Variants in TRMT11 observed in about 807,000 individuals in gnomAD.
The protein encoded by TRMT11 is tRNA (guanine(10)-N(2))-methyltransferase TRMT11.
Under a neutral mutation model 62.8 loss-of-function variants are expected in TRMT11, and 53 were observed. The observed-to-expected ratio is 0.84, with a 90% CI of 0.68 to 1.06. TRMT11 has a LOEUF of 1.06. TRMT11 is among the 50% of genes least tolerant of loss of function. TRMT11 has a pLI of 0.00. For synonymous variants in TRMT11, 188 were observed against 190.3 expected (o/e 0.99, Z 0.10); for missense variants, 556 against 553.4 (o/e 1.00, Z -0.05).
intron 17 of TRMT11, among the ~76,000 whole-genome samples, chr6:126,082,341 A>T (rs1004613234): frequency 6.6e-6 from 1 of 151,998 alleles, no homozygotes; most frequent in Non-Finnish European, 1.5e-5. Context: ...TTATCAATAT[A>T]TTGTGTATTT....
the TRMT11 span, among the ~76,000 whole-genome samples, chr6:126,244,802 T>G: frequency 6.6e-6 from 1 of 152,206 alleles, no homozygotes; most frequent in Non-Finnish European, 1.5e-5. Flanking sequence ...TTTGATATCC[T>G]TGACTAGTGG....
intron 17 of TRMT11, among the ~76,000 whole-genome samples, chr6:126,088,554 C>A (rs1432932762): frequency 6.6e-6 from 1 of 152,168 alleles, no homozygotes; most frequent in African/African-American, 2.4e-5. Context: ...AACACCAGGG[C>A]AAATCTATTC....
chr6:126,071,289 G>A (rs903335844), intron 17 of TRMT11, among the ~76,000 whole-genome samples: 35 of 152,114 alleles, frequency 2.3e-4, no homozygotes, highest in Non-Finnish European at 4.3e-4. Flanking sequence ...TCATGAAAAA[G>A]TCGACATCGT....
intron 21 of TRMT11, among the ~76,000 whole-genome samples, chr6:126,167,596 AT>A (rs1778283342): frequency 6.6e-6 from 1 of 152,130 alleles, no homozygotes; most frequent in Non-Finnish European, 1.5e-5. Flanking sequence ...TAAAACATTA[AT>A]TTGCTATTGT....
Position 126,013,016 on chromosome 6 carries a change from A to G in TRMT11, c.1054A>G (p.Met352Val). The G allele has an allele frequency of 1.2e-6, 2 of 1,613,792 alleles. No homozygotes were observed. Among genetic ancestry groups the G allele is most frequent in the Non-Finnish European group, 1.7e-6 (2 of 1,179,872 alleles). Residue 352 changes from methionine to valine, a missense_variant, in exon 11 of 13, where the codon ATG becomes GTG. Physicochemically the swap from Met to Val is conservative, Grantham distance 21. Transcript: ENST00000334379. ...TTCCTTGAGTTATCATCTGAGTGAT[A>G]TGTTTCTTGACCTGTTAAACTTCGC... ...PVSLSYHLSD[M>V]FLDLLNFAAE... is the part of the protein sequence containing the mutation.
intron 12 of TRMT11, among the ~76,000 whole-genome samples, chr6:126,029,820 A>G (rs2128036699): frequency 6.6e-6 from 1 of 152,310 alleles, no homozygotes; most frequent in East Asian, 1.9e-4. Context: ...TACAGATTCT[A>G]GTAGATAGCA....
intron 17 of TRMT11, among the ~76,000 whole-genome samples, chr6:126,090,283 T>G (rs1258827035): frequency 6.6e-6 from 1 of 152,186 alleles, no homozygotes; most frequent in African/African-American, 2.4e-5. Flanking sequence ...GATCCTTGTA[T>G]CCCCAGTGCT....
chr6:126,032,789 A>G (rs1474834186), intron 12 of TRMT11, among the ~76,000 whole-genome samples: 2 of 152,198 alleles, frequency 1.3e-5, no homozygotes, highest in African/African-American at 4.8e-5. Context: ...AATGCAATAA[A>G]TATTTATGGA....
upstream of TRMT11, among the ~76,000 whole-genome samples, chr6:126,174,730 C>G (rs1027322362): frequency 1.3e-5 from 2 of 152,154 alleles, no homozygotes; most frequent in African/African-American, 4.8e-5. Context: ...TGGTCTACAT[C>G]CCCACCCTGA....
In TRMT11 at chr6:126,116,968, A is replaced by G. The variant is rs80086179; in HGVS notation, c.*1823+1113A>G. On this transcript the variant is annotated intron_variant and NMD_transcript_variant, in intron 21 of 22. Coordinates refer to the TRMT11 transcript ENST00000648977. ...AAAAGTTCTCAGTCACCATCTGAGA[A>G]TTTTTGCGTATACAACAATGTAAAG... 8.3e-3 allele frequency among the ~76,000 whole-genome samples: 1,257 copies of G among 152,156 alleles called. 15 individuals carry two copies. Among genetic ancestry groups the G allele is most frequent in the African/African-American group, 0.028 (1,183 of 41,526 alleles).
chr6:126,207,505 T>G (rs1027935963), downstream of TRMT11, among the ~76,000 whole-genome samples: 18 of 152,120 alleles, frequency 1.2e-4, no homozygotes, highest in African/African-American at 3.6e-4. Flanking sequence ...AATATTTGAG[T>G]TTCCCAGCTC....
chr6:126,099,090 C>T (rs1214047349), intron 17 of TRMT11, among the ~76,000 whole-genome samples: 1 of 152,196 alleles, frequency 6.6e-6, no homozygotes, highest in African/African-American at 2.4e-5. Context: ...TTGCTAGAAG[C>T]TTGGTGGCAT....
intron 17 of TRMT11, among the ~76,000 whole-genome samples, chr6:126,097,664 TA>T (rs1206798741): frequency 2.6e-5 from 4 of 152,026 alleles, no homozygotes; most frequent in Non-Finnish European, 5.9e-5. Context: ...CAATTGAAAT[TA>T]AAAAAAATCT....
intron 1 of TRMT11, among the ~76,000 whole-genome samples, chr6:126,187,729 G>A (rs1173539780): frequency 6.6e-6 from 1 of 151,862 alleles, no homozygotes; most frequent in Non-Finnish European, 1.5e-5. Context: ...TTATTTTACA[G>A]CTATAATAAT....
At chr6:126,048,392 G>A (rs1776119667) in intron 16 of TRMT11, among the ~76,000 whole-genome samples, 1 of 152,200 alleles carries the variant, frequency 6.6e-6, no homozygotes, top group Non-Finnish European at 1.5e-5. Context: ...TTAGGTTGTT[G>A]CTAAAGACCT....
the TRMT11 span, among the ~76,000 whole-genome samples, chr6:126,259,830 C>T: frequency 6.6e-6 from 1 of 152,008 alleles, no homozygotes; most frequent in East Asian, 1.9e-4. Flanking sequence ...ATAACCTTTG[C>T]CTCTTTTTAC....
At chr6:126,093,631 A>ATTTTTT (rs145963759) in intron 17 of TRMT11, among the ~76,000 whole-genome samples, 3 of 98,014 alleles carry the variant, frequency 3.1e-5, no homozygotes, top group African/African-American at 1.3e-4. Context: ...ATATATATAT[A>ATTTTTT]TTTTCCCCCA....
the TRMT11 span, among the ~76,000 whole-genome samples, chr6:126,219,360 CT>C: frequency 6.6e-6 from 1 of 152,128 alleles, no homozygotes; most frequent in African/African-American, 2.4e-5. Context: ...TGCTATTTAG[CT>C]CTTTAGTTAA....
chr6:126,188,985 A>T lies in TRMT11; in HGVS notation n.144-9814A>T, dbSNP rs114899403. Among the ~76,000 whole-genome samples, 822 of 152,192 alleles carry T rather than the reference A, an allele frequency of 5.4e-3. 6 individuals carry two copies. The highest frequency in any genetic ancestry group is 0.019 in the African/African-American group (791 of 41,558). On this transcript the variant is annotated intron_variant and non_coding_transcript_variant, in intron 1 of 3. Coordinates refer to the TRMT11 transcript ENST00000444229. Reference sequence around the variant, plus strand: ...AAAGAAAAGGGTAAAAGCAATGACTATCTCCTAATTGAAAAAAAAATCATA... The same window carrying T: ...AAAGAAAAGGGTAAAAGCAATGACTTTCTCCTAATTGAAAAAAAAATCATA...
Sources: allele counts gnomAD v4.1 joint callset (sites outside exome capture counted in the v4.1 genomes callset), GRCh38; gene constraint gnomAD v4.1.1; transcripts MANE v1.5; gene names NCBI Gene and HGNC (gene_info 2026-07-23, HGNC 2026-07-21).